TMEM156: variants seen among roughly 807,000 people sequenced by gnomAD.
The protein encoded by TMEM156 is transmembrane protein 156.
A neutral mutation model predicts 30.5 loss-of-function variants in TMEM156; 28 were observed. The ratio of observed to expected loss-of-function variants is 0.92; its 90% CI spans 0.68 to 1.26. The LOEUF is 1.26. Among genes scored for constraint, TMEM156 ranks in the 50% most tolerant of loss-of-function variants. The pLI is 0.00. For missense variants in TMEM156, 351 were observed against 340.6 expected (o/e 1.03, Z -0.24); for synonymous variants, 137 against 119.9 (o/e 1.14, Z -0.93).
At chr4:39,006,733 G>A (rs1463854786) in intron 1 of TMEM156, among the ~76,000 whole-genome samples, 5 of 151,774 alleles carry the variant, frequency 3.3e-5, no homozygotes, top group African/African-American at 1.2e-4. Flanking sequence ...CCTGGCCAAC[G>A]TGGCAAAACC....
intron 4 of TMEM156, among the ~76,000 whole-genome samples, chr4:38,988,187 C>G (rs16995039): frequency 0.11 from 17,133 of 152,184 alleles, 1,233 homozygotes; most frequent in African/African-American, 0.2. Context: ...CTGCCTCACA[C>G]CCGTCACCTA....
chr4:38,977,018 G>A (rs1722888320), intron 5 of TMEM156, among the ~76,000 whole-genome samples: 1 of 152,154 alleles, frequency 6.6e-6, no homozygotes, highest in Non-Finnish European at 1.5e-5. Flanking sequence ...CAATTCTCCT[G>A]CTTCAGCCTC....
In TMEM156 at chr4:38,966,801, T is replaced by TTTA. The variant is rs11441988; in HGVS notation, c.*878_*879insTAA. ...AAATTCGTTTTATTGGTATCTTTGA[T>TTTA]TTTTTTTTTTTTTTTTTTTTGAGAC... On this transcript the variant is annotated 3_prime_UTR_variant, in exon 7 of 7. Transcript: ENST00000381938. 131 of 85,740 alleles carry TTTA rather than the reference T, an allele frequency of 1.5e-3. No homozygotes were observed. The highest frequency in any genetic ancestry group is 6.6e-3 in the African/African-American group (128 of 19,458). 5.3% of individuals were successfully genotyped at this position (85,740 alleles called of 1,614,324 possible).
intron 1 of TMEM156, among the ~76,000 whole-genome samples, chr4:39,000,321 G>A (rs1577550774): frequency 6.6e-6 from 1 of 152,290 alleles, no homozygotes; most frequent in East Asian, 1.9e-4. Flanking sequence ...AAGCCTGGGA[G>A]GTTGAAGCTG....
chr4:38,993,760 C>A lies in TMEM156; in HGVS notation c.597G>T (p.Leu199Phe). 6.2e-7 allele frequency: 1 copy of A among 1,613,012 alleles called. No homozygotes were observed. The highest frequency in any genetic ancestry group is 8.5e-7 in the Non-Finnish European group (1 of 1,179,128). ...TACTTTTTATATCCATCTCTAGGTG[C>A]AAAGAAATGTGTATACAATCATTCG... Reference protein sequence around the residue: ...EYPNDCIHISLHLEMDIKNIT... With the variant: ...EYPNDCIHISFHLEMDIKNIT... The change falls in exon 3 of 7, where the codon TTG (leucine) becomes TTT (phenylalanine). Residue 199 changes from leucine (L) to phenylalanine (F), a missense_variant. Coordinates refer to ENST00000381938, the MANE Select transcript of TMEM156 (RefSeq NM_024943.3).
chr4:39,010,830 T>TA (rs1714062497), intron 1 of TMEM156, among the ~76,000 whole-genome samples: 1 of 152,074 alleles, frequency 6.6e-6, no homozygotes, highest in Non-Finnish European at 1.5e-5. Flanking sequence ...ACCTAGGAAA[T>TA]ACTTTTCTAG....
chr4:39,008,885 C>G (rs1577564778), intron 1 of TMEM156, among the ~76,000 whole-genome samples: 2 of 152,054 alleles, frequency 1.3e-5, no homozygotes, highest in East Asian at 3.9e-4. Flanking sequence ...CCAAAGCTAT[C>G]AGAAACAAAG....
intron 1 of TMEM156, among the ~76,000 whole-genome samples, chr4:39,003,342 A>G (rs1004919131): frequency 2.6e-5 from 4 of 151,936 alleles, no homozygotes; most frequent in Non-Finnish European, 5.9e-5. Context: ...TATTTATTTT[A>G]TTTTATTTTA....
chr4:39,027,380 T>C (rs1450501651), intron 1 of TMEM156, among the ~76,000 whole-genome samples: 2 of 152,190 alleles, frequency 1.3e-5, no homozygotes, highest in Admixed American at 1.3e-4. Flanking sequence ...CTTTATCCTT[T>C]GTTTTCTTCA....
Position 38,988,906 on chromosome 4 carries a change from G to A in TMEM156, c.684C>T (p.Ile228=). ...CAAGTATTTTGCGGATAGTGAGGAT[G>A]ATCAAAAATATAAAAACTAATAGAA... ...ILVLLVFIFL[I]ILTIRKILEG... Residue 228 remains isoleucine (I), a synonymous_variant, in exon 4 of 7, where the codon ATC becomes ATT. Coordinates refer to ENST00000381938, the MANE Select transcript of TMEM156 (RefSeq NM_024943.3). 6.2e-7 allele frequency: 1 copy of A among 1,613,844 alleles called. No homozygotes were observed. Among genetic ancestry groups the A allele is most frequent in the South Asian group, 1.1e-5 (1 of 91,068 alleles).
chr4:39,013,533 T>G (rs532434808), intron 1 of TMEM156, among the ~76,000 whole-genome samples: 3 of 151,758 alleles, frequency 2.0e-5, no homozygotes, highest in Non-Finnish European at 2.9e-5. Context: ...CCCGAGTAGC[T>G]GGGACTACAG....
chr4:39,018,332 CA>C (rs1191618834), intron 1 of TMEM156, among the ~76,000 whole-genome samples: 1 of 152,168 alleles, frequency 6.6e-6, no homozygotes, highest in African/African-American at 2.4e-5. Flanking sequence ...CTTGTTTTTT[CA>C]CTGACATACA....
chr4:38,970,290 T>C (rs566823858), intron 6 of TMEM156, among the ~76,000 whole-genome samples: 1 of 152,268 alleles, frequency 6.6e-6, no homozygotes, highest in South Asian at 2.1e-4. Flanking sequence ...CCTTTTAGTT[T>C]TCCCACACCC....
At chr4:38,999,690 G>A (rs1560372513) in intron 1 of TMEM156, among the ~76,000 whole-genome samples, 1 of 152,172 alleles carries the variant, frequency 6.6e-6, no homozygotes, top group African/African-American at 2.4e-5. Flanking sequence ...CTACATGATT[G>A]TACTACCTCT....
At chr4:38,993,470 A>G (rs1027392032) in intron 3 of TMEM156, among the ~76,000 whole-genome samples, 7 of 150,150 alleles carry the variant, frequency 4.7e-5, no homozygotes, top group African/African-American at 1.7e-4. Flanking sequence ...ATAAAAAAAA[A>G]TTATTCTGAG....
At chr4:38,988,524 G>T (rs939692908) in intron 4 of TMEM156, among the ~76,000 whole-genome samples, 2 of 152,144 alleles carry the variant, frequency 1.3e-5, no homozygotes, top group Non-Finnish European at 2.9e-5. Context: ...GAGTCACCGC[G>T]CTCGGCCTGA....
chr4:38,996,262 G>GAA (rs372975520), intron 2 of TMEM156, among the ~76,000 whole-genome samples: 52 of 119,406 alleles, frequency 4.4e-4, no homozygotes, highest in East Asian at 1.1e-3. Flanking sequence ...CCATTACTAA[G>GAA]AAAAAAAAAA....
At chr4:39,005,714 A>C (rs1458483784) in intron 1 of TMEM156, among the ~76,000 whole-genome samples, 1 of 152,168 alleles carries the variant, frequency 6.6e-6, no homozygotes, top group Admixed American at 6.5e-5. Context: ...TGCTGTACGT[A>C]AATTATATGT....
At chr4:38,999,434 T>G (rs2109980324) in intron 1 of TMEM156, among the ~76,000 whole-genome samples, 1 of 151,534 alleles carries the variant, frequency 6.6e-6, no homozygotes, top group East Asian at 1.9e-4. Flanking sequence ...TTCTCTATTC[T>G]GGGGAATTTT....
Sources: gnomAD v4.1 joint callset for allele counts (sites outside exome capture counted in the v4.1 genomes callset) on GRCh38, gnomAD v4.1.1 for gene constraint, MANE v1.5 for transcripts, NCBI Gene and HGNC (gene_info 2026-07-23, HGNC 2026-07-21) for gene names.